SLC22A3: variants seen among roughly 807,000 people sequenced by gnomAD.
The protein encoded by SLC22A3 is solute carrier family 22 member 3, also known as EMT organic cation transporter 3.
Under a neutral mutation model 59.1 loss-of-function variants are expected in SLC22A3, and 51 were observed. The observed-to-expected ratio is 0.86, with a 90% CI of 0.69 to 1.09. The LOEUF (loss-of-function observed/expected upper bound fraction) is 1.09, where lower values mean the gene tolerates loss of function less well. Ranked by LOEUF, SLC22A3 falls within the 50% of genes least tolerant of loss-of-function variation. SLC22A3 has a pLI of 0.00. For missense variants in SLC22A3, 711 were observed against 726.3 expected (o/e 0.98, Z 0.24); for synonymous variants, 325 against 292.0 (o/e 1.11, Z -1.15).
At chr6:160,394,831 C>G (rs1786407590) in intron 1 of SLC22A3, among the ~76,000 whole-genome samples, 1 of 152,214 alleles carries the variant, frequency 6.6e-6, no homozygotes, top group Non-Finnish European at 1.5e-5. Flanking sequence ...GGCAGTATCC[C>G]TTTGCCCCCA....
At chr6:160,351,229 C>A (rs1385979943) in intron 1 of SLC22A3, among the ~76,000 whole-genome samples, 1 of 152,172 alleles carries the variant, frequency 6.6e-6, no homozygotes, top group Non-Finnish European at 1.5e-5. Flanking sequence ...CATTCTCCTG[C>A]CTCAGCCTCC....
chr6:160,391,155 C>T (rs9364553), intron 1 of SLC22A3, among the ~76,000 whole-genome samples: 3 of 152,168 alleles, frequency 2.0e-5, no homozygotes, highest in African/African-American at 7.2e-5. Flanking sequence ...AGGTCAACTT[C>T]TGAGGTTTCA....
chr6:160,419,720 C>T (rs1435106622), intron 5 of SLC22A3, among the ~76,000 whole-genome samples: 1 of 152,170 alleles, frequency 6.6e-6, no homozygotes, highest in Non-Finnish European at 1.5e-5. Context: ...CCAGCAAAGC[C>T]TTCATCTTTA....
At chr6:160,356,161 T>A (rs531676298) in intron 1 of SLC22A3, among the ~76,000 whole-genome samples, 1 of 152,336 alleles carries the variant, frequency 6.6e-6, no homozygotes, top group South Asian at 2.1e-4. Flanking sequence ...TTGCTTCCTG[T>A]TGACTCCTAA....
At chr6:160,407,312 C>A in intron 3 of SLC22A3, 117 bp downstream of exon 3, 2 of 1,050,052 alleles carry the variant, frequency 1.9e-6, no homozygotes, top group Non-Finnish European at 2.8e-6. Context: ...GGTTTCACTG[C>A]AGCTACAGTA....
At chr6:160,387,342 A>T (rs1474123079) in intron 1 of SLC22A3, among the ~76,000 whole-genome samples, 4 of 152,150 alleles carry the variant, frequency 2.6e-5, no homozygotes, top group Admixed American at 6.5e-5. Flanking sequence ...ACTGCCTGTA[A>T]GTGAGCAGGA....
chr6:160,358,153 T>A (rs1397553890), intron 1 of SLC22A3, among the ~76,000 whole-genome samples: 1 of 152,208 alleles, frequency 6.6e-6, no homozygotes, highest in Admixed American at 6.5e-5. Flanking sequence ...TTTAGTGTAG[T>A]GTATTGCTAA....
Position 160,408,913 on chromosome 6 carries a change from T to G in SLC22A3, c.849T>G (p.Leu283=). 6.2e-7 allele frequency: 1 copy of G among 1,613,648 alleles called. No homozygotes were observed. The highest frequency in any genetic ancestry group is 1.1e-5 in the South Asian group (1 of 91,070). ...CGCTGCCCAGCTTTCTCTTCCTCCT[T>G]TATTACTGGTAATGTGGTTTTGGTT... The part of the protein sequence containing the change: ...AITLPSFLFL[L]YYWVVPESPR... Residue 283 remains leucine (L), a synonymous_variant, in exon 4 of 11, where the codon CTT becomes CTG. Coordinates refer to ENST00000275300, the MANE Select transcript of SLC22A3 (RefSeq NM_021977.4).
intron 5 of SLC22A3, among the ~76,000 whole-genome samples, chr6:160,425,479 T>A (rs968255476): frequency 2.0e-5 from 3 of 152,234 alleles, no homozygotes; most frequent in Non-Finnish European, 4.4e-5. Context: ...TCAAGATGCC[T>A]TCTATTTTCT....
At position 160,358,185 on chromosome 6, in the gene SLC22A3, G is replaced by A. The variant is rs184432174; in HGVS notation, c.429+9337G>A. ...CTAAGGCAAATAGGTGGCTAAGAAC[G>A]TAGACTTCCTAGTTTTGTGGATGCA... On this transcript the variant is annotated intron_variant, in intron 1 of 10. Transcript: ENST00000275300. 8.5e-5 allele frequency among the ~76,000 whole-genome samples: 13 copies of A among 152,292 alleles called. No homozygotes were observed. In the East Asian group the frequency reaches 2.3e-3, roughly 27 times the overall value.
chr6:160,415,046 A>G lies in SLC22A3; in HGVS notation c.975+4200A>G, dbSNP rs896975714. Among the ~76,000 whole-genome samples, 1 of 152,084 alleles carries G rather than the reference A, an allele frequency of 6.6e-6. No homozygotes were observed. The highest frequency in any genetic ancestry group is 1.5e-5 in the Non-Finnish European group (1 of 68,016). On this transcript the variant is annotated intron_variant, in intron 5 of 10. Transcript: ENST00000275300. The surrounding 1 kb of genome is among the most constrained non-coding windows in gnomAD (Gnocchi z 4.1). ...TCCAGTCTCACACATGGAATCACCT[A>G]TTTCTCCAAGGGAGCTTTGGTTTTT...
At position 160,348,784 on chromosome 6, in the gene SLC22A3, C is replaced by A; in HGVS notation, c.365C>A (p.Ala122Asp). 1 of 1,566,726 alleles carries A rather than the reference C, an allele frequency of 6.4e-7. No individual in the cohort carries two copies. Among genetic ancestry groups the A allele is most frequent in the African/African-American group, 1.3e-5 (1 of 74,338 alleles). Residue 122 changes from alanine to aspartate, a missense_variant, in exon 1 of 11, where the codon GCT (alanine) becomes GAT (aspartate). Ala to Asp is a moderately radical substitution (Grantham distance 126). Transcript: ENST00000275300. ...DPLAAFPNRSAPLVPCRGGWR... is the reference protein window; with the variant it reads ...DPLAAFPNRSDPLVPCRGGWR... ...CTCGCCGCCTTCCCCAACCGCTCGG[C>A]TCCCCTTGTGCCGTGCCGCGGCGGC...
rs561346956 is a variant in SLC22A3, at chr6:160,408,899, T to G, written c.835T>G (p.Phe279Val). Residue 279 changes from phenylalanine to valine, a missense_variant, in exon 4 of 11, where the codon TTT (phenylalanine) becomes GTT (valine). Physicochemically the swap from Phe to Val is conservative, Grantham distance 50. Transcript: ENST00000275300. Reference sequence around the variant, plus strand: ...CCAGTTAGCCATCACGCTGCCCAGCTTTCTCTTCCTCCTTTATTACTGGTA... The same window carrying G: ...CCAGTTAGCCATCACGCTGCCCAGCGTTCTCTTCCTCCTTTATTACTGGTA... ...GIQLAITLPS[F>V]LFLLYYWVVP... 6.2e-7 allele frequency: 1 copy of G among 1,613,802 alleles called. No homozygotes were observed. Among genetic ancestry groups the G allele is most frequent in the African/African-American group, 1.3e-5 (1 of 75,006 alleles).
rs79891258 is a variant in SLC22A3 at position 160,406,781 on chromosome 6, A to G, written c.534-260A>G. Among the ~76,000 whole-genome samples, 565 of 152,292 alleles carry G rather than the reference A, an allele frequency of 3.7e-3. 6 individuals carry two copies. Among genetic ancestry groups the G allele is most frequent in the African/African-American group, 0.013 (525 of 41,562 alleles). On this transcript the variant is annotated intron_variant, in intron 2 of 10. Transcript: ENST00000275300. ...AAGTGTCACATCTGTACCACCGGGG[A>G]GACTCTGTGTGAAACAATAGTTTCA...
intron 7 of SLC22A3, among the ~76,000 whole-genome samples, chr6:160,439,209 A>AT (rs1224069260): frequency 2.6e-5 from 4 of 152,144 alleles, no homozygotes; most frequent in Non-Finnish European, 5.9e-5. Flanking sequence ...AAATTGTATA[A>AT]TTTAAGAAGA....
intron 5 of SLC22A3, among the ~76,000 whole-genome samples, chr6:160,428,528 G>C (rs1024419827): frequency 6.6e-6 from 1 of 152,186 alleles, no homozygotes; most frequent in Non-Finnish European, 1.5e-5. Flanking sequence ...CAAAGAGTAT[G>C]GAACGCCTCA....
At chr6:160,377,777 C>A (rs1785654856) in intron 1 of SLC22A3, among the ~76,000 whole-genome samples, 2 of 152,182 alleles carry the variant, frequency 1.3e-5, no homozygotes, top group South Asian at 4.1e-4. Flanking sequence ...ATGCAAGACA[C>A]AAGAGGAAGA....
At chr6:160,397,464 G>A (rs889411823) in intron 1 of SLC22A3, among the ~76,000 whole-genome samples, 2 of 152,088 alleles carry the variant, frequency 1.3e-5, no homozygotes, top group East Asian at 1.9e-4. Flanking sequence ...GGCCAGGCGC[G>A]GTGGCTCACT....
At chr6:160,411,108 AGC>A (rs1178476407) in intron 5 of SLC22A3, among the ~76,000 whole-genome samples, 1 of 152,138 alleles carries the variant, frequency 6.6e-6, no homozygotes, top group Non-Finnish European at 1.5e-5. Context: ...AAGCTCTATT[AGC>A]ATTATAGCCA....
Sources: gnomAD v4.1 joint callset for allele counts (sites outside exome capture counted in the v4.1 genomes callset) on GRCh38, gnomAD v4.1.1 for gene constraint, Gnocchi (gnomAD v3.1) non-coding constraint, MANE v1.5 for transcripts, NCBI Gene and HGNC (gene_info 2026-07-23, HGNC 2026-07-21) for gene names.